MIS18BP1: variants seen among roughly 807,000 people sequenced by gnomAD.
MIS18BP1 encodes mis18-binding protein 1.
Under a neutral mutation model 116.1 loss-of-function variants are expected in MIS18BP1, and 72 were observed. The observed-to-expected ratio is 0.62, with a 90% CI of 0.51 to 0.75. MIS18BP1 has a LOEUF of 0.75. Among genes scored for constraint, MIS18BP1 ranks in the 30% least tolerant of loss-of-function variants. The pLI is 0.00. For synonymous variants in MIS18BP1, 386 were observed against 427.0 expected (o/e 0.90, Z 1.18); for missense variants, 1,363 against 1,303.2 (o/e 1.05, Z -0.71).
intron 4 of MIS18BP1, among the ~76,000 whole-genome samples, chr14:45,239,780 C>T (rs1217323208): frequency 6.6e-6 from 1 of 152,100 alleles, no homozygotes; most frequent in Non-Finnish European, 1.5e-5. Context: ...ACAGTCATCC[C>T]TGGACTAGGA....
At chr14:45,220,385 C>A (rs1890940035) in intron 11 of MIS18BP1, among the ~76,000 whole-genome samples, 1 of 152,086 alleles carries the variant, frequency 6.6e-6, no homozygotes, top group Non-Finnish European at 1.5e-5. Context: ...ATATGTGTCC[C>A]TACCCAAGAC....
chr14:45,246,471 C>G (rs1171772522), intron 2 of MIS18BP1, among the ~76,000 whole-genome samples: 1 of 152,172 alleles, frequency 6.6e-6, no homozygotes, highest in Non-Finnish European at 1.5e-5. Flanking sequence ...GAAGATTACT[C>G]TGACCATCGC....
intron 7 of MIS18BP1, chr14:45,232,483 T>A: frequency 3.1e-6 from 1 of 322,848 alleles, no homozygotes. Flanking sequence ...CTAAAACAGG[T>A]GCACTTAATT....
At position 45,231,188 on chromosome 14, in the gene MIS18BP1, G is replaced by A. The variant is rs765986215; in HGVS notation, c.1547C>T (p.Thr516Ile). ...GTAAGTGGTGGTGGCTCTTTGAGCAGTATCTGTTTGGTTTTCTCGTGCATC... is the reference window on the plus strand; with the variant it reads ...GTAAGTGGTGGTGGCTCTTTGAGCAATATCTGTTTGGTTTTCTCGTGCATC... ...KNDARENQTD[T>I]AQRATTTYDF... Residue 516 changes from threonine to isoleucine, a missense_variant, in exon 8 of 17, where the codon ACT becomes ATT. By Grantham distance (89) the Thr-to-Ile change is moderately conservative. Transcript: ENST00000310806. 7 of 1,613,972 alleles carry A rather than the reference G, an allele frequency of 4.3e-6. No homozygotes were observed. The East Asian group carries it at 1.1e-4, about 26-fold the overall frequency.
At chr14:45,246,666 T>A in intron 2 of MIS18BP1, 77 bp downstream of exon 2, 2 of 1,394,388 alleles carry the variant, frequency 1.4e-6, no homozygotes, top group South Asian at 3.1e-5. Flanking sequence ...ACTGCTATAT[T>A]CTGAGCACCT....
intron 1 of MIS18BP1, among the ~76,000 whole-genome samples, chr14:45,251,492 T>C (rs541084583): frequency 3.3e-5 from 5 of 152,350 alleles, no homozygotes; most frequent in African/African-American, 1.2e-4. Context: ...GGAAAGTTCT[T>C]GTAAGAATTT....
At chr14:45,208,330 GTTTTTTTTTTT>G (rs1166566812) in intron 14 of MIS18BP1, among the ~76,000 whole-genome samples, 2 of 120,942 alleles carry the variant, frequency 1.7e-5, no homozygotes, top group Non-Finnish European at 1.7e-5. Context: ...GGATGAAGTT[GTTTTTTTTTTT>G]TTTTTTTTGG....
intron 4 of MIS18BP1, among the ~76,000 whole-genome samples, chr14:45,238,711 G>C (rs1891493225): frequency 6.6e-6 from 1 of 152,172 alleles, no homozygotes; most frequent in Non-Finnish European, 1.5e-5. Context: ...TGTAGTCCCA[G>C]CTACTGGAGA....
chr14:45,219,194 C>G (rs935181329), intron 11 of MIS18BP1, among the ~76,000 whole-genome samples: 1 of 152,200 alleles, frequency 6.6e-6, no homozygotes, highest in African/African-American at 2.4e-5. Context: ...GTCATTTCAA[C>G]TACACCAAGT....
At chr14:45,239,187 TGG>T (rs1891508260) in intron 4 of MIS18BP1, among the ~76,000 whole-genome samples, 1 of 152,088 alleles carries the variant, frequency 6.6e-6, no homozygotes, top group Non-Finnish European at 1.5e-5. Flanking sequence ...TTTTAGATAG[TGG>T]AGATTGAGTG....
chr14:45,216,536 T>C, intron 13 of MIS18BP1, among the ~76,000 whole-genome samples: 1 of 152,188 alleles, frequency 6.6e-6, no homozygotes, highest in Non-Finnish European at 1.5e-5. Flanking sequence ...TTTGAATGAG[T>C]TGTTCATATC....
At chr14:45,235,686 C>T (rs964046685) in intron 6 of MIS18BP1, 128 bp downstream of exon 6, 1 of 632,278 alleles carries the variant, frequency 1.6e-6, no homozygotes, top group East Asian at 3.6e-5. Flanking sequence ...TATATAATAT[C>T]AGTTGTTTTG....
At position 45,203,745 on chromosome 14, in the gene MIS18BP1, CCTT is replaced by C. The variant is rs1353981494; in HGVS notation, c.*361_*363del. 6.4e-6 allele frequency: 1 copy of C among 155,232 alleles called. No homozygotes were observed. The highest frequency in any genetic ancestry group is 1.4e-5 in the Non-Finnish European group (1 of 70,718). 9.6% of individuals were successfully genotyped at this position (155,232 alleles called of 1,614,324 possible). On this transcript the variant is annotated 3_prime_UTR_variant, in exon 17 of 17. Coordinates refer to ENST00000310806, the MANE Select transcript of MIS18BP1 (RefSeq NM_018353.5). ...TAGCTACCAATACAACCTCTGTCAT[CCTT>C]CTCACCTTCTCTTACTTAAATGGTA...
intron 1 of MIS18BP1, among the ~76,000 whole-genome samples, chr14:45,250,692 A>G (rs1891844890): frequency 6.6e-6 from 1 of 152,256 alleles, no homozygotes. Context: ...ATTGTTTTCA[A>G]CATAAAGACA....
chr14:45,240,868 C>T (rs1434175592), intron 4 of MIS18BP1, among the ~76,000 whole-genome samples: 1 of 152,074 alleles, frequency 6.6e-6, no homozygotes, highest in East Asian at 1.9e-4. Context: ...TGCCACTGCA[C>T]TCCAGCCTGG....
chr14:45,232,182 C>T (rs777130162), intron 7 of MIS18BP1, among the ~76,000 whole-genome samples: 14 of 151,218 alleles, frequency 9.3e-5, no homozygotes, highest in African/African-American at 2.9e-4. Context: ...TTTGGGAGGC[C>T]AAGGTGGGTG....
chr14:45,211,178 GT>G (rs761237809), intron 13 of MIS18BP1, among the ~76,000 whole-genome samples: 2 of 152,052 alleles, frequency 1.3e-5, no homozygotes, highest in South Asian at 2.1e-4. Context: ...TTATGCACAT[GT>G]TTTTACCTAG....
intron 12 of MIS18BP1, 41 bp from the exon 13 acceptor site, chr14:45,217,220 T>TTA: frequency 6.3e-7 from 1 of 1,590,592 alleles, no homozygotes; most frequent in Non-Finnish European, 8.6e-7. Flanking sequence ...ATTTGGTTAT[T>TTA]TATAGTAACT....
intron 5 of MIS18BP1, among the ~76,000 whole-genome samples, chr14:45,236,317 G>A (rs1336013102): frequency 6.6e-6 from 1 of 152,144 alleles, no homozygotes; most frequent in Non-Finnish European, 1.5e-5. Flanking sequence ...TAGCTTTTAT[G>A]CAGAAAGTAG....
Sources: allele counts gnomAD v4.1 joint callset (sites outside exome capture counted in the v4.1 genomes callset), GRCh38; gene constraint gnomAD v4.1.1; transcripts MANE v1.5; gene names NCBI Gene and HGNC (gene_info 2026-07-23, HGNC 2026-07-21).